Variants in NRXN3 observed in about 807,000 individuals in gnomAD.
NRXN3 encodes the protein neurexin III.
In NRXN3, 32 loss-of-function variants were observed where a neutral mutation model predicts 137.6. The ratio of observed to expected loss-of-function variants is 0.23; its 90% confidence interval spans 0.18 to 0.31. The LOEUF is 0.31. Among genes scored for constraint, NRXN3 ranks in the 10% least tolerant of loss-of-function variants. NRXN3 has a pLI of 1.00. For missense variants in NRXN3, 1,574 were observed against 2,062.5 expected, an observed-to-expected ratio of 0.76 and a Z score of 4.59; for synonymous variants, 798 against 784.5, an observed-to-expected ratio of 1.02 and a Z score of -0.29.
intron 4 of NRXN3, among the ~76,000 whole-genome samples, chr14:78,639,735 T>A (rs2097601703): frequency 6.6e-6 from 1 of 152,148 alleles, no homozygotes; most frequent in African/African-American, 2.4e-5. Context: ...AGTGGTATGG[T>A]GTAGTAGGAA....
At chr14:79,583,849 A>G (rs898051368) in intron 16 of NRXN3, among the ~76,000 whole-genome samples, 1 of 152,206 alleles carries the variant, frequency 6.6e-6, no homozygotes, top group African/African-American at 2.4e-5. Flanking sequence ...AGGATGAATC[A>G]ACAGGAGAGA....
intron 15 of NRXN3, among the ~76,000 whole-genome samples, chr14:79,112,689 G>C (rs879802739): frequency 1.3e-5 from 2 of 152,132 alleles, no homozygotes; most frequent in Non-Finnish European, 2.9e-5. Flanking sequence ...AAAAAGCCAG[G>C]CTAGTCTCTG....
At chr14:78,203,533 A>T (rs1210629513) in intron 1 of NRXN3, among the ~76,000 whole-genome samples, 1 of 152,112 alleles carries the variant, frequency 6.6e-6, no homozygotes, top group Non-Finnish European at 1.5e-5. Context: ...CCTGAGGGGT[A>T]TGGCCACATG....
At chr14:79,332,098 T>C (rs562205422) in intron 15 of NRXN3, among the ~76,000 whole-genome samples, 2 of 152,320 alleles carry the variant, frequency 1.3e-5, no homozygotes, top group South Asian at 2.1e-4. Context: ...TGGGTGGGCA[T>C]GTGTTAAAGA....
intron 10 of NRXN3, among the ~76,000 whole-genome samples, chr14:78,824,026 C>T (rs1596247880): frequency 6.6e-6 from 1 of 150,516 alleles, no homozygotes; most frequent in South Asian, 2.1e-4. Flanking sequence ...CACATCAATA[C>T]TGTAAAGAGG....
chr14:78,216,248 CTT>C (rs963368922), intron 1 of NRXN3, among the ~76,000 whole-genome samples: 9 of 151,790 alleles, frequency 5.9e-5, no homozygotes, highest in African/African-American at 2.2e-4. Flanking sequence ...GGCTAATTGT[CTT>C]TTCTTTGGTC....
chr14:79,150,079 A>C (rs1805295161), intron 15 of NRXN3, among the ~76,000 whole-genome samples: 1 of 152,080 alleles, frequency 6.6e-6, no homozygotes, highest in Non-Finnish European at 1.5e-5. Flanking sequence ...AACACAGGCA[A>C]GCATGTCTAA....
At chr14:79,499,196 T>C (rs567061631) in intron 16 of NRXN3, among the ~76,000 whole-genome samples, 1 of 152,332 alleles carries the variant, frequency 6.6e-6, no homozygotes, top group East Asian at 1.9e-4. Context: ...TTGAAGACCC[T>C]GTTTGATCCT....
chr14:79,261,602 T>C (rs538533488), intron 15 of NRXN3, among the ~76,000 whole-genome samples: 87 of 3,192 alleles, frequency 0.027, no homozygotes, highest in African/African-American at 0.093. Flanking sequence ...AGAAAGGTGC[T>C]GTGTGTGTGT....
chr14:79,613,837 A>C (rs181648983), intron 16 of NRXN3, among the ~76,000 whole-genome samples: 6 of 152,338 alleles, frequency 3.9e-5, no homozygotes, highest in Admixed American at 2.0e-4. Flanking sequence ...CAGGAAACAC[A>C]CTAAACCACG....
intron 16 of NRXN3, among the ~76,000 whole-genome samples, chr14:79,484,654 C>T (rs1013352754): frequency 5.9e-5 from 9 of 152,280 alleles, no homozygotes; most frequent in African/African-American, 2.2e-4. Flanking sequence ...TGATTTTGTG[C>T]TTCCTCTCAC....
At chr14:78,739,522 A>G (rs1472051452) in intron 8 of NRXN3, among the ~76,000 whole-genome samples, 1 of 152,164 alleles carries the variant, frequency 6.6e-6, no homozygotes, top group Non-Finnish European at 1.5e-5. Context: ...ATGCGGCTGG[A>G]GTAAAATGGC....
At chr14:78,689,077 G>T (rs946009330) in intron 6 of NRXN3, among the ~76,000 whole-genome samples, 1 of 152,050 alleles carries the variant, frequency 6.6e-6, no homozygotes, top group Non-Finnish European at 1.5e-5. Flanking sequence ...ATAAAGATAG[G>T]ATTAAAGGTT....
intron 4 of NRXN3, among the ~76,000 whole-genome samples, chr14:78,528,838 G>A (rs2096418383): frequency 6.6e-6 from 1 of 151,972 alleles, no homozygotes; most frequent in African/African-American, 2.4e-5. Flanking sequence ...TTTAAATGTT[G>A]CATTAAAAAT....
chr14:78,355,363 T>A (rs1015682376), intron 4 of NRXN3, among the ~76,000 whole-genome samples: 17 of 140,628 alleles, frequency 1.2e-4, no homozygotes, highest in Non-Finnish European at 2.3e-4. Flanking sequence ...TTTTTTTTTT[T>A]AATCAGGCCT....
At chr14:78,798,147 G>A (rs975686214) in intron 8 of NRXN3, among the ~76,000 whole-genome samples, 1 of 152,112 alleles carries the variant, frequency 6.6e-6, no homozygotes, top group Non-Finnish European at 1.5e-5. Flanking sequence ...AAAGTCCACA[G>A]TCCAAAGTCT....
At chr14:79,170,991 A>G (rs1207387534) in intron 15 of NRXN3, among the ~76,000 whole-genome samples, 3 of 152,042 alleles carry the variant, frequency 2.0e-5, no homozygotes, top group Non-Finnish European at 4.4e-5. Context: ...AGTATGTCTC[A>G]GCGGAGGTGG....
At chr14:78,433,624 GGAT>G (rs1212159477) in intron 4 of NRXN3, among the ~76,000 whole-genome samples, 1 of 152,124 alleles carries the variant, frequency 6.6e-6, no homozygotes, top group Non-Finnish European at 1.5e-5. Flanking sequence ...CCTGATGAAA[GGAT>G]GAGTTTAGCT....
intron 15 of NRXN3, among the ~76,000 whole-genome samples, chr14:79,238,100 A>T (rs2073708868): frequency 6.6e-6 from 1 of 152,140 alleles, no homozygotes; most frequent in Non-Finnish European, 1.5e-5. Context: ...GAAGAACATT[A>T]TATACATCAC....
Sources: gnomAD v4.1 joint callset for allele counts (sites outside exome capture counted in the v4.1 genomes callset) on GRCh38, gnomAD v4.1.1 for gene constraint, MANE v1.5 for transcripts, NCBI Gene and HGNC (gene_info 2026-07-23, HGNC 2026-07-21) for gene names.